The following LGR4 variants were observed in gnomAD, a reference collection of about 807,000 sequenced individuals.
The protein encoded by LGR4 is leucine-rich repeat-containing G protein-coupled receptor 4.
In LGR4, 44 loss-of-function variants were observed where a neutral mutation model predicts 84.8. The ratio of observed to expected loss-of-function variants is 0.52; its 90% CI spans 0.41 to 0.67. The LOEUF is 0.67. Ranked by LOEUF, LGR4 falls within the 30% of genes least tolerant of loss-of-function variation. The pLI is 0.00. For synonymous variants in LGR4, 429 were observed against 434.3 expected (o/e 0.99, Z 0.15); for missense variants, 1,032 against 1,131.4 (o/e 0.91, Z 1.26).
chr11:27,413,961 T>C (rs1267673034), intron 1 of LGR4, among the ~76,000 whole-genome samples: 2 of 152,122 alleles, frequency 1.3e-5, no homozygotes, highest in Non-Finnish European at 2.9e-5. Context: ...CTACATCCTT[T>C]CTTACTAGCC....
intron 5 of LGR4, 37 bp from the exon 6 acceptor site, chr11:27,384,444 C>T: frequency 1.5e-6 from 2 of 1,358,508 alleles, no homozygotes; most frequent in South Asian, 2.4e-5. Context: ...ACTTTTCCAT[C>T]TCCCATTGGC....
chr11:27,429,661 G>A (rs1378264078), intron 1 of LGR4, among the ~76,000 whole-genome samples: 1 of 152,110 alleles, frequency 6.6e-6, no homozygotes, highest in Non-Finnish European at 1.5e-5. Flanking sequence ...TTGTCAATAT[G>A]TTTATCATAG....
chr11:27,430,645 C>A (rs539135010), intron 1 of LGR4, among the ~76,000 whole-genome samples: 1 of 152,100 alleles, frequency 6.6e-6, no homozygotes, highest in Non-Finnish European at 1.5e-5. Flanking sequence ...CCCCTCGACC[C>A]CTTGCCTCAA....
chr11:27,448,698 G>C (rs974253529), intron 1 of LGR4, among the ~76,000 whole-genome samples: 1 of 152,104 alleles, frequency 6.6e-6, no homozygotes, highest in African/African-American at 2.4e-5. Context: ...TCATGAGTCT[G>C]AATAAAACAT....
Position 27,368,978 on chromosome 11 carries a change from A to G in LGR4, c.1745T>C (p.Val582Ala), listed in dbSNP as rs778104650. The change falls in exon 18 of 18, where the codon GTG (valine) becomes GCG (alanine). Residue 582 changes from valine to alanine, a missense_variant. Physicochemically the swap from Val to Ala is moderately conservative, Grantham distance 64. Transcript: ENST00000379214. ...SSKLFIGLIS[V>A]SNLFMGIYTG... is the part of the protein sequence containing the mutation. ...ATAGATTCCCATGAATAAGTTAGAC[A>G]CAGAAATCAAGCCTATAAACAATTT... 12 of 1,614,164 alleles carry G rather than the reference A, an allele frequency of 7.4e-6. No homozygotes were observed. The highest frequency in any genetic ancestry group is 9.3e-6 in the Non-Finnish European group (11 of 1,180,010).
Position 27,373,639 on chromosome 11 carries a change from C to T in LGR4, c.1291G>A (p.Glu431Lys), listed in dbSNP as rs777443017. ...AGTTGATTTAGCCCATTCAGGCCTTCCGTAGGAAAGGAAGTTAATTCATTG... is the reference window on the plus strand; with the variant it reads ...AGTTGATTTAGCCCATTCAGGCCTTTCGTAGGAAAGGAAGTTAATTCATTG... ...SFNELTSFPT[E>K]GLNGLNQLKL... The change falls in exon 15 of 18, where the codon GAA (glutamate) becomes AAA (lysine). Residue 431 changes from glutamate to lysine, a missense_variant. By Grantham distance (56) the Glu-to-Lys change is moderately conservative. Transcript: ENST00000379214. 2 of 1,592,426 alleles carry T rather than the reference C, an allele frequency of 1.3e-6. No homozygotes were observed. Among genetic ancestry groups the T allele is most frequent in the South Asian group, 2.3e-5 (2 of 86,352 alleles).
Position 27,368,381 on chromosome 11 carries a change from AT to A in LGR4, c.2341del (p.Ile781Ter). 1.9e-6 allele frequency: 3 copies of A among 1,613,780 alleles called. No individual in the cohort carries two copies. Among genetic ancestry groups the A allele is most frequent in the Non-Finnish European group, 2.5e-6 (3 of 1,179,932 alleles). ...LITAISISPE[I>X]MKSVTLIFFP... is the part of the protein sequence containing the mutation. ...AAATATCAGAGTAACAGACTTCATT[AT>A]TTCGGGGCTGATAGAGATTGCAGTG... On this transcript the variant is annotated frameshift_variant, in exon 18 of 18. Coordinates refer to ENST00000379214, the MANE Select transcript of LGR4 (RefSeq NM_018490.5). LOFTEE classifies it high-confidence loss of function.
Position 27,472,142 on chromosome 11 carries a change from C to T in LGR4, c.161G>A (p.Gly54Glu). 3 of 1,406,096 alleles carry T rather than the reference C, an allele frequency of 2.1e-6. No individual in the cohort carries two copies. The highest frequency in any genetic ancestry group is 2.8e-6 in the Non-Finnish European group (3 of 1,081,354). The allele number at this position is 1,406,096 out of a possible 1,614,324, so 87.1% of individuals were successfully genotyped here. A position where few individuals can be genotyped will look rare whatever the true frequency, so the allele number is the denominator to read the frequency against. ...CAGCGCTTGGGTGAAGGCGCTGAGC[C>T]CCTCGGGCACGGCCGTCAGCCCCTT... ...SGKGLTAVPE[G>E]LSAFTQALDI... is the part of the protein sequence containing the mutation. The change falls in exon 1 of 18, where the codon GGG becomes GAG. Residue 54 changes from glycine (G) to glutamate (E), a missense_variant. By Grantham distance (98) the Gly-to-Glu change is moderately conservative (BLOSUM62 -2). Transcript: ENST00000379214.
In LGR4 at chr11:27,439,575, C is replaced by T. The variant is rs913650653; in HGVS notation, c.186-26715G>A. 2.6e-5 allele frequency among the ~76,000 whole-genome samples: 4 copies of T among 152,096 alleles called. 1 individual carries two copies. Among genetic ancestry groups the T allele is most frequent in the Non-Finnish European group, 5.9e-5 (4 of 68,026 alleles). On this transcript the variant is annotated intron_variant, in intron 1 of 17. Coordinates refer to ENST00000379214, the MANE Select transcript of LGR4 (RefSeq NM_018490.5). ...CTTTTAAAATCCTGCTTTCAATTTG[C>T]GGGGAATACATATACCCAGGAGTGA...
At chr11:27,404,204 C>T (rs1590366428) in intron 2 of LGR4, among the ~76,000 whole-genome samples, 2 of 152,296 alleles carry the variant, frequency 1.3e-5, no homozygotes, top group East Asian at 3.9e-4. Context: ...TTTCATTTGC[C>T]TCGCTACACT....
intron 4 of LGR4, among the ~76,000 whole-genome samples, chr11:27,389,701 A>C (rs1863245785): frequency 6.6e-6 from 1 of 152,166 alleles, no homozygotes; most frequent in South Asian, 2.1e-4. Flanking sequence ...CTTAAGAAGC[A>C]AAAGAAAACA....
intron 2 of LGR4, among the ~76,000 whole-genome samples, chr11:27,395,915 T>A (rs1166227609): frequency 6.6e-6 from 1 of 152,164 alleles, no homozygotes; most frequent in African/African-American, 2.4e-5. Context: ...AAAGCTCAGA[T>A]TCAGAAAAGA....
chr11:27,380,597 A>C lies in LGR4; in HGVS notation c.902+43T>G, dbSNP rs769064186. ...TAAATTCTTGTTTTCCACTAAAACAACTGTATAAATATCCAGGTTTGTTTT... is the reference window on the plus strand; with the variant it reads ...TAAATTCTTGTTTTCCACTAAAACACCTGTATAAATATCCAGGTTTGTTTT... On this transcript the variant is annotated intron_variant, in intron 9 of 17. Coordinates refer to ENST00000379214, the MANE Select transcript of LGR4 (RefSeq NM_018490.5). 11 of 1,285,184 alleles carry C rather than the reference A, an allele frequency of 8.6e-6. No homozygotes were observed. In the East Asian group the frequency reaches 2.6e-4, roughly 30 times the overall value. 79.6% of individuals were successfully genotyped at this position (1,285,184 alleles called of 1,614,324 possible). A position where few individuals can be genotyped will look rare whatever the true frequency, so the allele number is the denominator to read the frequency against.
At chr11:27,422,420 G>A (rs1050788538) in intron 1 of LGR4, among the ~76,000 whole-genome samples, 8 of 152,138 alleles carry the variant, frequency 5.3e-5, no homozygotes, top group Non-Finnish European at 2.9e-5. Context: ...TTAATAGATT[G>A]TGAAATCATT....
intron 1 of LGR4, among the ~76,000 whole-genome samples, chr11:27,466,068 A>G (rs1462504349): frequency 1.3e-5 from 2 of 152,238 alleles, no homozygotes; most frequent in African/African-American, 4.8e-5. Flanking sequence ...GCTGGGTAAC[A>G]TATTTCTCAC....
intron 1 of LGR4, among the ~76,000 whole-genome samples, chr11:27,468,933 A>G (rs1245423772): frequency 6.6e-6 from 1 of 152,160 alleles, no homozygotes; most frequent in East Asian, 1.9e-4. Flanking sequence ...ACTCACATAC[A>G]CATTCCCCTC....
At chr11:27,384,292 T>C in intron 6 of LGR4, 44 bp downstream of exon 6, 1 of 1,264,586 alleles carries the variant, frequency 7.9e-7, no homozygotes, top group Non-Finnish European at 1.1e-6. Context: ...AAAATTATAC[T>C]TTCAATATCA....
chr11:27,430,958 T>C (rs982247054), intron 1 of LGR4, among the ~76,000 whole-genome samples: 4 of 151,490 alleles, frequency 2.6e-5, no homozygotes, highest in Non-Finnish European at 5.9e-5. Context: ...ACTTGTTCTC[T>C]GCCTGGTCTA....
rs1862886087 is a variant in LGR4 at position 27,371,685 on chromosome 11, TGCATCAGCA to T, written c.1500_1508del (p.Asp502_Ala504del). 1 of 1,611,162 alleles carries T rather than the reference TGCATCAGCA, an allele frequency of 6.2e-7. No individual in the cohort carries two copies. The highest frequency in any genetic ancestry group is 1.3e-5 in the African/African-American group (1 of 74,876). ...TTTCAAGAGTGCTTGTGACATTTGC[TGCATCAGCA>T]GTACCTGAACATATAACACAAAGCA... On this transcript the variant is annotated inframe_deletion, in exon 17 of 18. Transcript: ENST00000379214.
Sources: allele counts gnomAD v4.1 joint callset (sites outside exome capture counted in the v4.1 genomes callset), GRCh38; gene constraint gnomAD v4.1.1; transcripts MANE v1.5; gene names NCBI Gene and HGNC (gene_info 2026-07-23, HGNC 2026-07-21).